The following PGM5 variants were observed in gnomAD, a reference collection of about 807,000 sequenced individuals.
The protein encoded by PGM5 is phosphoglucomutase-like protein 5.
A neutral mutation model predicts 59.2 loss-of-function variants in PGM5; 23 were observed. The observed-to-expected ratio is 0.39, with a 90% CI of 0.28 to 0.55. PGM5 has a LOEUF of 0.55. Ranked by LOEUF, PGM5 falls within the 20% of genes least tolerant of loss-of-function variation. PGM5 has a pLI of 0.66. For synonymous variants in PGM5, 214 were observed against 286.0 expected, an observed-to-expected ratio of 0.75 and a Z score of 2.54; for missense variants, 574 against 748.3, an observed-to-expected ratio of 0.77 and a Z score of 2.72.
intron 1 of PGM5, among the ~76,000 whole-genome samples, chr9:68,361,556 C>T (rs7871642): frequency 1.3e-5 from 2 of 152,190 alleles, no homozygotes; most frequent in South Asian, 2.1e-4. Context: ...AAGGAGCATG[C>T]GGTTTTGATA....
chr9:68,389,274 TC>T (rs1259889084), intron 4 of PGM5, among the ~76,000 whole-genome samples: 1 of 152,104 alleles, frequency 6.6e-6, no homozygotes, highest in Non-Finnish European at 1.5e-5. Context: ...ACAGTAAAAC[TC>T]ACTCCTGGTA....
chr9:68,429,336 C>T (rs1374937751), intron 6 of PGM5: 3 of 152,088 alleles, frequency 2.0e-5, no homozygotes, highest in Admixed American at 6.6e-5. Flanking sequence ...TTCTGCATTG[C>T]TAGAGCAATA....
chr9:68,458,722 T>G (rs1467825988), intron 6 of PGM5, among the ~76,000 whole-genome samples: 1 of 152,206 alleles, frequency 6.6e-6, no homozygotes, highest in East Asian at 1.9e-4. Context: ...AATTTATATA[T>G]ATGGTTGAAA....
intron 9 of PGM5, among the ~76,000 whole-genome samples, chr9:68,487,944 T>G (rs1554687664): frequency 1.3e-5 from 2 of 152,192 alleles, no homozygotes; most frequent in African/African-American, 2.4e-5. Flanking sequence ...ACCTGCATTT[T>G]TAAAATCTGT....
chr9:68,439,861 G>A (rs1456700388), intron 6 of PGM5, among the ~76,000 whole-genome samples: 2 of 151,880 alleles, frequency 1.3e-5, no homozygotes, highest in African/African-American at 2.4e-5. Flanking sequence ...GGTGAAGTTA[G>A]GGAAAATGAC....
At chr9:68,425,912 C>G (rs1403487220) in intron 6 of PGM5, among the ~76,000 whole-genome samples, 1 of 152,082 alleles carries the variant, frequency 6.6e-6, no homozygotes, top group Admixed American at 6.6e-5. Context: ...TTTCACATTT[C>G]ACATCCTTTT....
chr9:68,374,715 T>C (rs374945913), intron 1 of PGM5, among the ~76,000 whole-genome samples: 29 of 152,260 alleles, frequency 1.9e-4, no homozygotes, highest in African/African-American at 6.5e-4. Flanking sequence ...GAGCAGCCGT[T>C]CATCATTCAT....
intron 6 of PGM5, among the ~76,000 whole-genome samples, chr9:68,409,309 C>T (rs1822879741): frequency 7.1e-6 from 1 of 141,050 alleles, no homozygotes; most frequent in Middle Eastern, 3.2e-3. Flanking sequence ...TTGTGGAAGT[C>T]AGTGTGGCGA....
rs190312271 is a variant in PGM5, at chr9:68,529,630, C to A, written c.1678C>A (p.Arg560=). ...KISQIHERTG[R]RGPTVIT is the part of the protein sequence containing the mutation. ...ATCCCAGATTCATGAGAGAACTGGCCGGAGGGGACCCACTGTCATCACCTG... is the reference window on the plus strand; with the variant it reads ...ATCCCAGATTCATGAGAGAACTGGCAGGAGGGGACCCACTGTCATCACCTG... The change falls in exon 11 of 11, where the codon CGG becomes AGG. Residue 560 remains arginine (R), a synonymous_variant. Transcript: ENST00000396396. 1 of 1,598,962 alleles carries A rather than the reference C, an allele frequency of 6.3e-7. No individual in the cohort carries two copies. The highest frequency in any genetic ancestry group is 1.7e-5 in the Admixed American group (1 of 59,118).
intron 9 of PGM5, among the ~76,000 whole-genome samples, chr9:68,484,833 A>C (rs1253957568): frequency 6.6e-6 from 1 of 152,200 alleles, no homozygotes; most frequent in Non-Finnish European, 1.5e-5. Flanking sequence ...TTGTAAAGTC[A>C]GGAGCTCAGC....
chr9:68,391,493 G>T (rs562271521), intron 4 of PGM5, 41 bp from the exon 5 acceptor site: 1 of 1,607,702 alleles, frequency 6.2e-7, no homozygotes, highest in Admixed American at 1.7e-5. Context: ...CTGGGGAGAA[G>T]GTTCTGCAAA....
intron 8 of PGM5, 98 bp downstream of exon 8, chr9:68,479,651 C>T: frequency 1.5e-6 from 2 of 1,331,342 alleles, no homozygotes; most frequent in East Asian, 2.4e-5. Context: ...AAGGAGGCAT[C>T]AGGCCGGGCG....
chr9:68,497,608 G>A (rs1052032401), intron 9 of PGM5: 10 of 152,212 alleles, frequency 6.6e-5, no homozygotes, highest in African/African-American at 2.4e-4. Context: ...CACATATGCA[G>A]CAGGTATATA....
chr9:68,515,589 G>A (rs1470459367), intron 10 of PGM5, among the ~76,000 whole-genome samples: 2 of 152,140 alleles, frequency 1.3e-5, no homozygotes, highest in African/African-American at 4.8e-5. Flanking sequence ...GATATATAGG[G>A]CCTGTTGCAC....
At chr9:68,404,103 G>C (rs1440290300) in intron 6 of PGM5, among the ~76,000 whole-genome samples, 14 of 152,084 alleles carry the variant, frequency 9.2e-5, no homozygotes, top group Non-Finnish European at 5.9e-5. Context: ...GGTTAAGCAG[G>C]TATGATTCCT....
chr9:68,376,781 C>G (rs1217573601), intron 1 of PGM5, among the ~76,000 whole-genome samples: 1 of 90,070 alleles, frequency 1.1e-5, no homozygotes, highest in East Asian at 3.8e-4. Context: ...TTCTTTCTTT[C>G]TTTCTTTCTT....
intron 6 of PGM5, chr9:68,397,784 TC>T (rs1448223621): frequency 6.6e-6 from 1 of 152,098 alleles, no homozygotes; most frequent in Non-Finnish European, 1.5e-5. Flanking sequence ...AGGGAAGGAC[TC>T]TTGGAGGAGA....
intron 6 of PGM5, among the ~76,000 whole-genome samples, chr9:68,439,465 AT>A (rs1823492650): frequency 6.8e-6 from 1 of 146,556 alleles, no homozygotes; most frequent in Non-Finnish European, 1.5e-5. Context: ...ATATATATAT[AT>A]TCACTCTGTT....
intron 6 of PGM5, among the ~76,000 whole-genome samples, chr9:68,433,194 T>C (rs2132057482): frequency 6.6e-6 from 1 of 152,328 alleles, no homozygotes; most frequent in Admixed American, 6.5e-5. Context: ...AAACCCTTTG[T>C]CCCAAAAGTC....
Sources: gnomAD v4.1 joint callset for allele counts (sites outside exome capture counted in the v4.1 genomes callset) on GRCh38, gnomAD v4.1.1 for gene constraint, MANE v1.5 for transcripts, NCBI Gene and HGNC (gene_info 2026-07-23, HGNC 2026-07-21) for gene names.